The following CSMD1 variants were observed in gnomAD, a reference collection of about 807,000 sequenced individuals.
CSMD1 encodes the protein CUB and sushi domain-containing protein 1.
CSMD1 carries 213 observed loss-of-function variants against 417.5 expected under a neutral mutation model. The ratio of observed to expected loss-of-function variants is 0.51; its 90% CI spans 0.46 to 0.57. The LOEUF is 0.57. CSMD1 is among the 20% of genes least tolerant of loss of function. CSMD1 has a pLI of 0.00. For missense variants in CSMD1, 6,923 were observed against 4,529.7 expected, an observed-to-expected ratio of 1.53 and a Z score of -15.17; for synonymous variants, 2,862 against 1,736.8, an observed-to-expected ratio of 1.65 and a Z score of -16.11.
intron 3 of CSMD1, among the ~76,000 whole-genome samples, chr8:4,148,598 G>A (rs1306899481): frequency 1.3e-5 from 2 of 152,136 alleles, no homozygotes; most frequent in African/African-American, 4.8e-5. Flanking sequence ...GTCTGGTCTG[G>A]TGAGAGCCTT....
Position 3,223,734 on chromosome 8 carries a change from G to C in CSMD1, c.4479C>G (p.Phe1493Leu), listed in dbSNP as rs1229674571. 1.2e-6 allele frequency: 2 copies of C among 1,613,822 alleles called. No individual in the cohort carries two copies. The highest frequency in any genetic ancestry group is 1.1e-5 in the South Asian group (1 of 91,068). ...VNPDFVIALI[F>L]KSFNMEPSYD... ...TATTCTGCAAGAGACGGTACCTTTT[G>C]AATATCAAGGCGATGACAAAGTCCG... Residue 1493 changes from phenylalanine to leucine, a missense_variant, in exon 28 of 70, where the codon TTC becomes TTG. Transcript: ENST00000635120.
chr8:2,952,054 CTT>C (rs1378185960), intron 65 of CSMD1, among the ~76,000 whole-genome samples: 3 of 152,058 alleles, frequency 2.0e-5, no homozygotes, highest in South Asian at 2.1e-4. Context: ...AAAAAATAAA[CTT>C]ATTTTTCATG....
At chr8:3,291,511 A>T (rs1350161406) in intron 25 of CSMD1, among the ~76,000 whole-genome samples, 1 of 152,048 alleles carries the variant, frequency 6.6e-6, no homozygotes, top group South Asian at 2.1e-4. Context: ...AGACCCTGTT[A>T]TTGGTCTATT....
chr8:3,898,169 A>G (rs11136675), intron 5 of CSMD1, among the ~76,000 whole-genome samples: 5,285 of 152,262 alleles, frequency 0.035, 303 homozygotes, highest in African/African-American at 0.12. Flanking sequence ...TAAGCCATCA[A>G]TCCCTGCAAG....
chr8:4,434,274 G>A (rs1211568092), intron 2 of CSMD1, among the ~76,000 whole-genome samples: 3 of 152,180 alleles, frequency 2.0e-5, no homozygotes, highest in Non-Finnish European at 2.9e-5. Flanking sequence ...GCTGAGGCAA[G>A]AGAATTGCTT....
At chr8:3,780,619 C>A (rs191448598) in intron 5 of CSMD1, among the ~76,000 whole-genome samples, 8 of 152,286 alleles carry the variant, frequency 5.3e-5, no homozygotes, top group Middle Eastern at 3.4e-3. Flanking sequence ...TGTCATCAAA[C>A]TGGGCCTGCT....
chr8:3,205,240 C>G (rs1268676784), intron 31 of CSMD1, among the ~76,000 whole-genome samples: 1 of 152,102 alleles, frequency 6.6e-6, no homozygotes, highest in Non-Finnish European at 1.5e-5. Context: ...TTTGGGAAAC[C>G]TAAGAAGAAA....
intron 1 of CSMD1, among the ~76,000 whole-genome samples, chr8:4,734,921 G>A (rs530402755): frequency 5.9e-5 from 9 of 152,252 alleles, no homozygotes; most frequent in African/African-American, 1.2e-4. Context: ...CTCCTAGGAG[G>A]TCTGGCTTTA....
intron 1 of CSMD1, among the ~76,000 whole-genome samples, chr8:4,718,502 C>T (rs1390984158): frequency 6.6e-5 from 10 of 151,908 alleles, no homozygotes; most frequent in Admixed American, 5.9e-4. Context: ...ACTAATATTC[C>T]CGCTGTCAAT....
At chr8:4,028,346 A>G (rs1242185878) in intron 4 of CSMD1, among the ~76,000 whole-genome samples, 1 of 152,108 alleles carries the variant, frequency 6.6e-6, no homozygotes, top group Non-Finnish European at 1.5e-5. Flanking sequence ...CCTACTTATG[A>G]AGATTAAATT....
intron 1 of CSMD1, among the ~76,000 whole-genome samples, chr8:4,819,891 G>C (rs964486222): frequency 2.6e-5 from 4 of 152,094 alleles, no homozygotes; most frequent in Admixed American, 1.3e-4. Context: ...CTGCCCTGTG[G>C]ACTTTGGGGG....
Position 4,765,476 on chromosome 8 carries a change from T to C in CSMD1, c.86-127918A>G, listed in dbSNP as rs187085644. 2.6e-5 allele frequency among the ~76,000 whole-genome samples: 4 copies of C among 152,318 alleles called. No homozygotes were observed. In the East Asian group the frequency reaches 7.7e-4, roughly 29 times the overall value. On this transcript the variant is annotated intron_variant, in intron 1 of 69. Coordinates refer to ENST00000635120, the MANE Select transcript of CSMD1 (RefSeq NM_033225.6). ...ATTAAATGCAGTTCAGTTCAAAAAG[T>C]GTTTGCAGATGCCTATTTAGTTTAA...
chr8:4,205,122 C>A (rs1054932383), intron 3 of CSMD1, among the ~76,000 whole-genome samples: 1 of 152,098 alleles, frequency 6.6e-6, no homozygotes, highest in Non-Finnish European at 1.5e-5. Flanking sequence ...AACATAAACA[C>A]ATTTATCTCA....
intron 4 of CSMD1, among the ~76,000 whole-genome samples, chr8:4,011,991 C>T (rs980731292): frequency 2.0e-5 from 3 of 151,460 alleles, no homozygotes; most frequent in African/African-American, 4.8e-5. Flanking sequence ...ACAGAAATGG[C>T]TGTTATACTG....
At chr8:4,761,801 C>T (rs1057145942) in intron 1 of CSMD1, among the ~76,000 whole-genome samples, 1 of 151,882 alleles carries the variant, frequency 6.6e-6, no homozygotes, top group Admixed American at 6.6e-5. Context: ...TGTGAATAAA[C>T]CTGGTAGTAA....
At chr8:3,706,416 T>A (rs997978317) in intron 7 of CSMD1, among the ~76,000 whole-genome samples, 2 of 152,208 alleles carry the variant, frequency 1.3e-5, no homozygotes, top group Middle Eastern at 3.2e-3. Context: ...CACATTACCA[T>A]TGATTACCTT....
At position 2,938,438 on chromosome 8, in the gene CSMD1, T is replaced by A. The variant is rs1801644415; in HGVS notation, c.*147A>T. 4 of 708,074 alleles carry A rather than the reference T, an allele frequency of 5.6e-6. No homozygotes were observed. Among genetic ancestry groups the A allele is most frequent in the Admixed American group, 3.1e-5 (1 of 32,034 alleles). 43.9% of individuals were successfully genotyped at this position (708,074 alleles called of 1,614,324 possible). ...AGACCCTGACACATTTGAGTAGAGATCCCCGCTGCACTTATGCCAGTAGAC... is the reference window on the plus strand; with the variant it reads ...AGACCCTGACACATTTGAGTAGAGAACCCCGCTGCACTTATGCCAGTAGAC... On this transcript the variant is annotated 3_prime_UTR_variant, in exon 70 of 70. Coordinates refer to ENST00000635120, the MANE Select transcript of CSMD1 (RefSeq NM_033225.6).
At chr8:4,209,393 C>G (rs960483518) in intron 3 of CSMD1, among the ~76,000 whole-genome samples, 63 of 152,286 alleles carry the variant, frequency 4.1e-4, no homozygotes, top group African/African-American at 1.5e-3. Context: ...ATGCCGAAGA[C>G]TCTCCAGGGT....
At chr8:3,948,046 A>T (rs569961144) in intron 5 of CSMD1, among the ~76,000 whole-genome samples, 2 of 152,154 alleles carry the variant, frequency 1.3e-5, no homozygotes, top group Non-Finnish European at 1.5e-5. Context: ...TCTCTACTAA[A>T]AATATAAAAA....
Sources: allele counts gnomAD v4.1 joint callset (sites outside exome capture counted in the v4.1 genomes callset), GRCh38; gene constraint gnomAD v4.1.1; transcripts MANE v1.5; gene names NCBI Gene and HGNC (gene_info 2026-07-23, HGNC 2026-07-21).